MFSD11: variants seen among roughly 807,000 people sequenced by gnomAD.
MFSD11 encodes the protein UNC93-like protein MFSD11.
MFSD11 carries 36 observed loss-of-function variants against 53.5 expected under a neutral mutation model. The observed-to-expected ratio is 0.67, with a 90% confidence interval of 0.52 to 0.89. The LOEUF (loss-of-function observed/expected upper bound fraction) is 0.89, where lower values mean the gene tolerates loss of function less well. MFSD11 is among the 40% of genes least tolerant of loss of function. The probability of loss-of-function intolerance (pLI) is 0.00; values close to 1 mark genes in which losing one functional copy is unlikely to be tolerated. For synonymous variants in MFSD11, 186 were observed against 184.9 expected, an observed-to-expected ratio of 1.01 and a Z score of -0.05; for missense variants, 530 against 543.9, an observed-to-expected ratio of 0.97 and a Z score of 0.25.
rs184512307 is a variant in MFSD11, at chr17:76,743,470, G to A, written c.496+14G>A. 4,360 of 1,535,328 alleles carry A rather than the reference G, an allele frequency of 2.8e-3. 12 individuals carry two copies. The highest frequency in any genetic ancestry group is 6.5e-3 in the Middle Eastern group (38 of 5,890). ...CTCAGATATCAGGTTTGTTTTATTC[G>A]CGTTGCTTTATTCAGATATGTTCAA... On this transcript the variant is annotated intron_variant, in intron 6 of 12. Transcript: ENST00000685175.
At chr17:76,775,636 C>G (rs2081759765) in intron 11 of MFSD11, among the ~76,000 whole-genome samples, 2 of 152,160 alleles carry the variant, frequency 1.3e-5, no homozygotes, top group Non-Finnish European at 2.9e-5. Context: ...TCCAGCTCCA[C>G]AAATCCAAGG....
intron 7 of MFSD11, among the ~76,000 whole-genome samples, chr17:76,749,687 C>T (rs931806713): frequency 1.3e-5 from 2 of 151,886 alleles, no homozygotes; most frequent in Non-Finnish European, 2.9e-5. Flanking sequence ...GTCAGGAGAT[C>T]GAGACCATCC....
chr17:76,736,855 G>C, upstream of MFSD11: 1 of 1,607,530 alleles, frequency 6.2e-7, no homozygotes, highest in Non-Finnish European at 8.5e-7. Flanking sequence ...GCGGTCCCCG[G>C]CGGCTGTGGT....
intron 8 of MFSD11, among the ~76,000 whole-genome samples, chr17:76,757,484 G>A (rs2079769813): frequency 6.6e-6 from 1 of 152,162 alleles, no homozygotes; most frequent in Non-Finnish European, 1.5e-5. Context: ...CCTGTGTGTG[G>A]CCAGTGCTTC....
intron 7 of MFSD11, among the ~76,000 whole-genome samples, chr17:76,749,689 A>C (rs2078878041): frequency 6.6e-6 from 1 of 152,190 alleles, no homozygotes; most frequent in Admixed American, 6.5e-5. Flanking sequence ...CAGGAGATCG[A>C]GACCATCCTG....
chr17:76,764,600 A>C (rs2080639138), intron 8 of MFSD11, among the ~76,000 whole-genome samples: 1 of 152,224 alleles, frequency 6.6e-6, no homozygotes. Context: ...GTAAGGCTGA[A>C]TAATATACCA....
the MFSD11 span, among the ~76,000 whole-genome samples, chr17:76,800,551 C>CT: frequency 6.6e-6 from 1 of 152,040 alleles, no homozygotes; most frequent in Non-Finnish European, 1.5e-5. Context: ...TGCTATTAAT[C>CT]TTTTTTTCAA....
chr17:76,801,921 C>T, the MFSD11 span, among the ~76,000 whole-genome samples: 1 of 152,064 alleles, frequency 6.6e-6, no homozygotes, highest in South Asian at 2.1e-4. Context: ...CCCATTAGGT[C>T]TTGGCCTCAT....
At chr17:76,746,158 G>A (rs758694571) in intron 7 of MFSD11, among the ~76,000 whole-genome samples, 46 of 152,304 alleles carry the variant, frequency 3.0e-4, no homozygotes, top group African/African-American at 9.6e-4. Context: ...TTGCTGATAC[G>A]GAGAAAGTTT....
chr17:76,767,449 C>T lies in MFSD11; in HGVS notation c.746C>T (p.Thr249Ile), dbSNP rs1454175758. 2 of 1,570,734 alleles carry T rather than the reference C, an allele frequency of 1.3e-6. No homozygotes were observed. The highest frequency in any genetic ancestry group is 1.8e-6 in the Non-Finnish European group (2 of 1,142,776). Residue 249 changes from threonine to isoleucine, a missense_variant and splice_region_variant, in exon 9 of 13, where the codon ACA (threonine) becomes ATA (isoleucine). Transcript: ENST00000685175. The stretch of plus-strand genomic sequence containing the variant: ...CTTCTTAGTATTACAACTGCTTATA[C>T]AGGTAATGGAATTACTGTTCTTATT... ...MLLLSITTAYTGLELTFFSGV... is the reference protein window; with the variant it reads ...MLLLSITTAYIGLELTFFSGV...
chr17:76,747,329 C>T (rs957595807), intron 7 of MFSD11, among the ~76,000 whole-genome samples: 3 of 150,218 alleles, frequency 2.0e-5, no homozygotes, highest in Non-Finnish European at 4.4e-5. Flanking sequence ...GACGGGGCAA[C>T]ATGGTGAAAC....
chr17:76,779,446 G>T (rs919442737), downstream of MFSD11, among the ~76,000 whole-genome samples: 3 of 151,562 alleles, frequency 2.0e-5, no homozygotes, highest in African/African-American at 7.3e-5. Context: ...TATGAAATAA[G>T]GTAAAAATTG....
At position 76,778,225 on chromosome 17, in the gene MFSD11, A is replaced by G. The variant is rs772495179; in HGVS notation, c.1223A>G (p.Tyr408Cys). ...GCCGTGGCATTTTTCTACAGCAACT[A>G]CCTTCTCCTTCACTGGCAACTCCTG... ...CAAVAFFYSN[Y>C]LLLHWQLLVM... The change falls in exon 13 of 13, where the codon TAC (tyrosine) becomes TGC (cysteine). Residue 408 changes from tyrosine to cysteine, a missense_variant. Physicochemically the swap from Tyr to Cys is radical, Grantham distance 194. Transcript: ENST00000685175. 6.2e-7 allele frequency: 1 copy of G among 1,613,908 alleles called. No individual in the cohort carries two copies. The highest frequency in any genetic ancestry group is 8.5e-7 in the Non-Finnish European group (1 of 1,179,994).
At chr17:76,767,113 AT>A (rs1022372836) in intron 8 of MFSD11, 46 of 340,384 alleles carry the variant, frequency 1.4e-4, no homozygotes, top group Non-Finnish European at 1.8e-4. Context: ...GTTTGATTCT[AT>A]TTTTTTTCTT....
At chr17:76,757,941 C>T (rs113596315) in intron 8 of MFSD11, among the ~76,000 whole-genome samples, 9 of 151,870 alleles carry the variant, frequency 5.9e-5, no homozygotes, top group East Asian at 1.9e-4. Flanking sequence ...ACCCAAGAGG[C>T]GGAGGTTGCA....
chr17:76,738,461 C>G lies in MFSD11; in HGVS notation c.96+13C>G. ...TGGAAATGTGGCGGTGAGTTGGAAT[C>G]TGTCCTCCCTCCTTTGAAGTGCCCA... On this transcript the variant is annotated intron_variant, in intron 1 of 12. Coordinates refer to ENST00000685175, the MANE Select transcript of MFSD11 (RefSeq NM_001242532.5). The G allele has an allele frequency of 6.3e-7, 1 of 1,591,526 alleles. No homozygotes were observed. The highest frequency in any genetic ancestry group is 1.1e-5 in the South Asian group (1 of 90,558).
In MFSD11 at chr17:76,744,450, G is replaced by A; in HGVS notation, c.625G>A (p.Asp209Asn). Residue 209 changes from aspartate (D) to asparagine (N), a missense_variant, in exon 7 of 13, where the codon GAC becomes AAC. Asp to Asn is a conservative substitution (Grantham distance 23). Transcript: ENST00000685175. ...LGEDESSDDQ[D>N]MEVNESAQNN... ...AGAAGATGAGTCTTCTGATGACCAGGACATGGAAGTCAACGAGTAAGATGT... is the reference window on the plus strand; with the variant it reads ...AGAAGATGAGTCTTCTGATGACCAGAACATGGAAGTCAACGAGTAAGATGT... The A allele has an allele frequency of 1.2e-6, 2 of 1,607,724 alleles. No individual in the cohort carries two copies. The highest frequency in any genetic ancestry group is 1.7e-6 in the Non-Finnish European group (2 of 1,178,392).
At chr17:76,744,000 C>T (rs891184174) in intron 6 of MFSD11, among the ~76,000 whole-genome samples, 5 of 152,142 alleles carry the variant, frequency 3.3e-5, no homozygotes, top group East Asian at 1.9e-4. Flanking sequence ...ATGCTGTGCA[C>T]GAGCTTACGA....
chr17:76,797,581 A>G, the MFSD11 span, among the ~76,000 whole-genome samples: 1 of 152,072 alleles, frequency 6.6e-6, no homozygotes, highest in African/African-American at 2.4e-5. Flanking sequence ...ATTTATTATC[A>G]GGGTCTTTAT....
Sources: allele counts gnomAD v4.1 joint callset (sites outside exome capture counted in the v4.1 genomes callset), GRCh38; gene constraint gnomAD v4.1.1; transcripts MANE v1.5; gene names NCBI Gene and HGNC (gene_info 2026-07-23, HGNC 2026-07-21).